The following DAB1 variants were observed in gnomAD, a reference collection of about 807,000 sequenced individuals.
DAB1 encodes DAB adaptor protein 1.
Under a neutral mutation model 64.6 loss-of-function variants are expected in DAB1, and 15 were observed. That is an observed-to-expected ratio of 0.23 (90% CI 0.16 to 0.36). The LOEUF is 0.36. Among genes scored for constraint, DAB1 ranks in the 10% least tolerant of loss-of-function variants. The pLI, the probability that DAB1 is intolerant of heterozygous loss-of-function variation, is 1.00. For missense variants in DAB1, 596 were observed against 706.7 expected, an observed-to-expected ratio of 0.84 and a Z score of 1.78; for synonymous variants, 235 against 251.9, an observed-to-expected ratio of 0.93 and a Z score of 0.64.
intron 5 of DAB1, among the ~76,000 whole-genome samples, chr1:57,917,504 T>C (rs1221995973): frequency 6.6e-6 from 1 of 152,240 alleles, no homozygotes; most frequent in Non-Finnish European, 1.5e-5. Context: ...CATATCTTCC[T>C]TTGAACTCGA....
At chr1:57,148,222 C>T (rs370752748) in intron 2 of DAB1, among the ~76,000 whole-genome samples, 7 of 151,986 alleles carry the variant, frequency 4.6e-5, no homozygotes, top group African/African-American at 1.5e-4. Flanking sequence ...AGAACTCTGC[C>T]GAGAAAGAAG....
At chr1:58,346,845 C>T (rs981721546) in intron 3 of DAB1, among the ~76,000 whole-genome samples, 1 of 152,202 alleles carries the variant, frequency 6.6e-6, no homozygotes, top group Non-Finnish European at 1.5e-5. Context: ...CTCATGAATT[C>T]TGTGGCCACA....
At chr1:57,717,714 AT>A (rs1463067241) in intron 6 of DAB1, among the ~76,000 whole-genome samples, 1 of 152,118 alleles carries the variant, frequency 6.6e-6, no homozygotes, top group African/African-American at 2.4e-5. Flanking sequence ...GTGACTATAT[AT>A]AAATATACAT....
intron 7 of DAB1, among the ~76,000 whole-genome samples, chr1:57,553,432 AAGAAAGAAAGAG>A (rs1644942945): frequency 2.3e-4 from 4 of 17,450 alleles, no homozygotes; most frequent in Non-Finnish European, 6.5e-4. Context: ...GAAAGAAAGA[AAGAAAGAAAGAG>A]AAAGAAAGAA....
intron 2 of DAB1, among the ~76,000 whole-genome samples, chr1:57,237,863 A>G (rs899588942): frequency 2.0e-5 from 3 of 152,222 alleles, no homozygotes; most frequent in Non-Finnish European, 4.4e-5. Context: ...TGAATTACAC[A>G]TAGATCTTGA....
chr1:57,107,340 A>G (rs953031362), intron 4 of DAB1, among the ~76,000 whole-genome samples: 13 of 149,618 alleles, frequency 8.7e-5, no homozygotes, highest in African/African-American at 2.5e-5. Context: ...GCACCATTGC[A>G]CTCCAGCCTG....
At chr1:57,659,874 G>A (rs1157249195) in intron 6 of DAB1, among the ~76,000 whole-genome samples, 1 of 151,952 alleles carries the variant, frequency 6.6e-6, no homozygotes, top group East Asian at 1.9e-4. Context: ...CTACTCAGGA[G>A]GCTGAGGCAC....
At chr1:57,896,847 C>G (rs904831302) in intron 5 of DAB1, among the ~76,000 whole-genome samples, 1 of 152,114 alleles carries the variant, frequency 6.6e-6, no homozygotes, top group African/African-American at 2.4e-5. Flanking sequence ...AATCAGAAAA[C>G]TAATGAAAAC....
At chr1:57,962,064 A>C (rs1249022888) in intron 5 of DAB1, among the ~76,000 whole-genome samples, 1 of 152,164 alleles carries the variant, frequency 6.6e-6, no homozygotes. Context: ...TGGTTCAGCA[A>C]CTTGAGAGTT....
At chr1:57,239,558 G>A (rs976714251) in intron 2 of DAB1, among the ~76,000 whole-genome samples, 10 of 152,004 alleles carry the variant, frequency 6.6e-5, no homozygotes, top group African/African-American at 1.9e-4. Flanking sequence ...ACCTATAGCC[G>A]GCCTTTCACA....
At chr1:57,463,308 A>G (rs760305106) in intron 7 of DAB1, among the ~76,000 whole-genome samples, 18 of 152,184 alleles carry the variant, frequency 1.2e-4, no homozygotes, top group Non-Finnish European at 2.4e-4. Flanking sequence ...GGTTATTGCT[A>G]TGTTTGGAAA....
intron 4 of DAB1, among the ~76,000 whole-genome samples, chr1:58,150,984 T>C (rs1423922774): frequency 6.6e-6 from 1 of 152,206 alleles, no homozygotes; most frequent in Non-Finnish European, 1.5e-5. Flanking sequence ...AGAATGGTGG[T>C]ATCCAGCTTC....
At chr1:57,910,688 C>A (rs1474048365) in intron 5 of DAB1, among the ~76,000 whole-genome samples, 3 of 152,146 alleles carry the variant, frequency 2.0e-5, no homozygotes, top group African/African-American at 7.2e-5. Context: ...AAGCTATTAC[C>A]AATATACCCT....
intron 3 of DAB1, among the ~76,000 whole-genome samples, chr1:58,363,757 G>A (rs185950760): frequency 2.6e-5 from 4 of 152,330 alleles, no homozygotes; most frequent in East Asian, 3.9e-4. Context: ...ATGGATCACT[G>A]CCTTACTTTC....
intron 7 of DAB1, among the ~76,000 whole-genome samples, chr1:57,496,856 A>C (rs909653993): frequency 6.6e-6 from 1 of 152,160 alleles, no homozygotes; most frequent in African/African-American, 2.4e-5. Flanking sequence ...TTTGAAAAAA[A>C]CATGTTTCAG....
At chr1:58,099,364 C>T (rs1201666159) in intron 5 of DAB1, among the ~76,000 whole-genome samples, 4 of 152,198 alleles carry the variant, frequency 2.6e-5, no homozygotes, top group Non-Finnish European at 4.4e-5. Context: ...GACTGCCTCT[C>T]ATTTATTTGT....
chr1:57,226,432 C>T (rs1480353489), intron 2 of DAB1, among the ~76,000 whole-genome samples: 2 of 152,208 alleles, frequency 1.3e-5, no homozygotes, highest in East Asian at 3.9e-4. Context: ...TTCTCAATCA[C>T]TGTTCTCTCA....
chr1:58,090,016 C>T (rs1164146882), intron 5 of DAB1, among the ~76,000 whole-genome samples: 9 of 152,212 alleles, frequency 5.9e-5, no homozygotes, highest in Admixed American at 5.9e-4. Context: ...GTCGGGGGCA[C>T]AGATTACACT....
At chr1:57,437,163 A>G (rs1055764909) in intron 7 of DAB1, among the ~76,000 whole-genome samples, 63 of 152,254 alleles carry the variant, frequency 4.1e-4, no homozygotes, top group African/African-American at 1.5e-3. Flanking sequence ...AAAGGGTAAG[A>G]CTTTCAACTT....
Sources: allele counts gnomAD v4.1 joint callset (sites outside exome capture counted in the v4.1 genomes callset), GRCh38; gene constraint gnomAD v4.1.1; transcripts MANE v1.5; gene names NCBI Gene and HGNC (gene_info 2026-07-23, HGNC 2026-07-21).